LARGE1: variants seen among roughly 807,000 people sequenced by gnomAD.
LARGE1 encodes LARGE xylosyl- and glucuronyltransferase 1, also known as xylosyl- and glucuronyltransferase LARGE1.
In LARGE1, 43 loss-of-function variants were observed where a neutral mutation model predicts 87.6. That is an observed-to-expected ratio of 0.49 (90% CI 0.38 to 0.63). LARGE1 has a LOEUF of 0.63. LARGE1 is among the 30% of genes least tolerant of loss of function. The probability of loss-of-function intolerance (pLI) is 0.00; values close to 1 mark genes in which losing one functional copy is unlikely to be tolerated. For missense variants in LARGE1, 802 were observed against 1,000.2 expected, an observed-to-expected ratio of 0.80 and a Z score of 2.67; for synonymous variants, 434 against 394.6, an observed-to-expected ratio of 1.10 and a Z score of -1.18.
intron 11 of LARGE1, among the ~76,000 whole-genome samples, chr22:33,266,663 G>A (rs933460907): frequency 2.0e-5 from 3 of 151,676 alleles, no homozygotes; most frequent in Non-Finnish European, 2.9e-5. Flanking sequence ...TGACTCTCCA[G>A]CAGGAGTATG....
rs538589356 is a variant in LARGE1, at chr22:33,333,927, T to C, written c.1287+3719A>G. On this transcript the variant is annotated intron_variant, in intron 10 of 14. Transcript: ENST00000397394. ...TGAGGTCAGGAGTTCGAGACCAGCC[T>C]GGCCGACACAGCGAAAACCTGTCTC... 3.0e-3 allele frequency among the ~76,000 whole-genome samples: 456 copies of C among 150,144 alleles called. 3 individuals carry two copies. The highest frequency in any genetic ancestry group is 0.011 in the African/African-American group (440 of 40,798).
intron 8 of LARGE1, 26 bp from the exon 9 acceptor site, chr22:33,382,070 G>C: frequency 3.7e-6 from 6 of 1,613,766 alleles, no homozygotes; most frequent in Non-Finnish European, 5.1e-6. Context: ...CAAAGACACA[G>C]TCAAGACAGT....
intron 1 of LARGE1, among the ~76,000 whole-genome samples, chr22:33,777,441 C>A (rs906891754): frequency 1.3e-5 from 2 of 152,054 alleles, no homozygotes; most frequent in African/African-American, 4.8e-5. Flanking sequence ...AGTTCAAGAC[C>A]AGCCTGGGCT....
At chr22:33,619,877 G>C (rs1013415673) in intron 4 of LARGE1, among the ~76,000 whole-genome samples, 4 of 152,184 alleles carry the variant, frequency 2.6e-5, no homozygotes, top group Non-Finnish European at 5.9e-5. Flanking sequence ...ATACAGACAA[G>C]TATTACATAC....
intron 1 of LARGE1, among the ~76,000 whole-genome samples, chr22:33,779,922 C>CCTCTCCTAATTCTACTTTCA (rs1556040219): frequency 3.9e-5 from 6 of 152,186 alleles, no homozygotes; most frequent in Admixed American, 1.3e-4. Flanking sequence ...TTTGCCAGGG[C>CCTCTCCTAATTCTACTTTCA]TGCTATAACA....
intron 1 of LARGE1, among the ~76,000 whole-genome samples, chr22:33,785,040 T>C (rs1425821394): frequency 6.6e-6 from 1 of 150,490 alleles, no homozygotes; most frequent in African/African-American, 2.4e-5. Context: ...TATACATATA[T>C]GTGTATACAT....
intron 2 of LARGE1, among the ~76,000 whole-genome samples, chr22:33,664,468 G>A (rs916828331): frequency 2.6e-5 from 4 of 152,116 alleles, no homozygotes; most frequent in Admixed American, 1.3e-4. Context: ...CCACCACTAT[G>A]ACCCCAGTTC....
the LARGE1 span, among the ~76,000 whole-genome samples, chr22:33,081,587 T>G: frequency 6.6e-6 from 1 of 151,876 alleles, no homozygotes; most frequent in Non-Finnish European, 1.5e-5. Context: ...ATACCAGGGA[T>G]TTTTTCAAAC....
intron 1 of LARGE1, among the ~76,000 whole-genome samples, chr22:33,829,274 G>C (rs901315629): frequency 2.0e-5 from 3 of 151,928 alleles, no homozygotes; most frequent in South Asian, 2.1e-4. Flanking sequence ...CTCCCAAAGG[G>C]CTGGGATTAC....
rs5994729 is a variant in LARGE1 at position 33,399,202 on chromosome 22, G to T, written c.893-14898C>A. 9.0e-3 allele frequency among the ~76,000 whole-genome samples: 1,341 copies of T among 148,924 alleles called. 19 individuals are homozygous for T. Among genetic ancestry groups the T allele is most frequent in the African/African-American group, 0.031 (1,269 of 40,288 alleles). On this transcript the variant is annotated intron_variant, in intron 7 of 14. Coordinates refer to ENST00000397394, the MANE Select transcript of LARGE1 (RefSeq NM_133642.5). Reference sequence around the variant, plus strand: ...CTCCCTGTGTCCATGTGTTCTCATTGTTCAACTCTCACTTACGAGTGAGAA... The same window carrying T: ...CTCCCTGTGTCCATGTGTTCTCATTTTTCAACTCTCACTTACGAGTGAGAA...
At chr22:33,656,126 G>A (rs1270527320) in intron 2 of LARGE1, among the ~76,000 whole-genome samples, 1 of 151,988 alleles carries the variant, frequency 6.6e-6, no homozygotes, top group Non-Finnish European at 1.5e-5. Flanking sequence ...ACACAGAGTA[G>A]ATACTTGTAT....
At chr22:33,589,393 T>C (rs189024810) in intron 5 of LARGE1, among the ~76,000 whole-genome samples, 167 of 152,366 alleles carry the variant, frequency 1.1e-3, no homozygotes, top group African/African-American at 3.7e-3. Context: ...TATTGTTGTA[T>C]ACCTTTACTC....
chr22:33,542,153 ACT>A (rs962172514), intron 6 of LARGE1, among the ~76,000 whole-genome samples: 5 of 124,002 alleles, frequency 4.0e-5, no homozygotes, highest in South Asian at 5.4e-4. Flanking sequence ...CAAGAGCAAA[ACT>A]CTGTCTCAAA....
chr22:33,490,837 C>T (rs994724538), intron 6 of LARGE1, among the ~76,000 whole-genome samples: 6 of 152,230 alleles, frequency 3.9e-5, no homozygotes, highest in African/African-American at 1.4e-4. Flanking sequence ...TGACCATGAG[C>T]TGCAGAGCTG....
At chr22:33,678,030 A>G (rs2081634631) in intron 2 of LARGE1, among the ~76,000 whole-genome samples, 1 of 152,260 alleles carries the variant, frequency 6.6e-6, no homozygotes, top group Non-Finnish European at 1.5e-5. Context: ...TGAGAAAACC[A>G]GCAGACAGAT....
chr22:33,651,666 G>A (rs2080822937), intron 2 of LARGE1, among the ~76,000 whole-genome samples: 4 of 152,268 alleles, frequency 2.6e-5, no homozygotes, highest in Middle Eastern at 3.4e-3. Context: ...AGGCAAAGGC[G>A]GGTCTTACCT....
At chr22:33,193,891 TTA>T (rs997216469) in intron 11 of LARGE1, among the ~76,000 whole-genome samples, 10 of 139,510 alleles carry the variant, frequency 7.2e-5, no homozygotes, top group East Asian at 1.9e-4. Context: ...GTTTTATATA[TTA>T]TATATGTTTT....
chr22:33,453,879 C>T (rs2068033548), intron 6 of LARGE1, among the ~76,000 whole-genome samples: 1 of 152,168 alleles, frequency 6.6e-6, no homozygotes, highest in South Asian at 2.1e-4. Flanking sequence ...TGAACATCTA[C>T]CAGAGGCTGT....
At chr22:33,120,415 T>TTTCC in the LARGE1 span, among the ~76,000 whole-genome samples, 4 of 124,780 alleles carry the variant, frequency 3.2e-5, no homozygotes, top group Non-Finnish European at 7.1e-5. Context: ...TCTTTCCTTC[T>TTTCC]TTCTTTCTTT....
Sources: gnomAD v4.1 joint callset for allele counts (sites outside exome capture counted in the v4.1 genomes callset) on GRCh38, gnomAD v4.1.1 for gene constraint, MANE v1.5 for transcripts, NCBI Gene and HGNC (gene_info 2026-07-23, HGNC 2026-07-21) for gene names.